Variants in TPM2 observed in about 807,000 individuals in gnomAD.
TPM2 encodes tropomyosin 2.
TPM2 carries 26 observed loss-of-function variants against 41.0 expected under a neutral mutation model. That is an observed-to-expected ratio of 0.63 (90% CI 0.46 to 0.88). The LOEUF (loss-of-function observed/expected upper bound fraction) is 0.88. TPM2 is among the 40% of genes least tolerant of loss of function. The pLI, the probability that TPM2 is intolerant of heterozygous loss-of-function variation, is 0.00. For missense variants in TPM2, 187 were observed against 355.2 expected (o/e 0.53, Z 3.81); for synonymous variants, 143 against 139.3 (o/e 1.03, Z -0.19).
Position 35,685,133 on chromosome 9 carries a change from G to A in TPM2, c.563+136C>T, listed in dbSNP as rs1071717. The A allele has an allele frequency of 2.3e-5, 37 of 1,614,034 alleles. No individual in the cohort carries two copies. The highest frequency in any genetic ancestry group is 3.0e-5 in the Non-Finnish European group (35 of 1,180,024). The stretch of plus-strand genomic sequence containing the variant: ...TTCGAAGTTCCTCCTCCAGCTGTCT[G>A]GCTCGGCTGGGGGCAGCGGGCAGGG... On this transcript the variant is annotated intron_variant, in intron 5 of 8. Transcript: ENST00000645482. The surrounding 1 kb of genome is among the most constrained non-coding windows in gnomAD (Gnocchi z 5.0).
chr9:35,685,558 G>T lies in TPM2; in HGVS notation c.375-7C>A. 6.2e-7 allele frequency: 1 copy of T among 1,614,156 alleles called. No individual in the cohort carries two copies. Among genetic ancestry groups the T allele is most frequent in the Non-Finnish European group, 8.5e-7 (1 of 1,180,032 alleles). On this transcript the variant is annotated splice_polypyrimidine_tract_variant and splice_region_variant and intron_variant, in intron 3 of 8. Transcript: ENST00000645482. The surrounding 1 kb of genome is among the most constrained non-coding windows in gnomAD (Gnocchi z 5.0). ...TTCGATGACCTTCATTCCTCTGAAA[G>T]GCAGGGAGAGGGTGAGCGTAGGGTC... is the stretch of plus-strand genomic sequence containing the variant.
chr9:35,682,706 G>C (rs748700204), downstream of TPM2: 2 of 1,313,804 alleles, frequency 1.5e-6, no homozygotes, highest in East Asian at 5.4e-5. Flanking sequence ...CACCAGAGGC[G>C]GTCATGGTTT....
At chr9:35,688,350 C>T (rs540899080) in intron 2 of TPM2, among the ~76,000 whole-genome samples, 1 of 152,154 alleles carries the variant, frequency 6.6e-6, no homozygotes, top group African/African-American at 2.4e-5. Context: ...TTAAAACAAT[C>T]CTGGGTGGAA....
chr9:35,684,372 A>T, intron 7 of TPM2, 57 bp from the exon 8 acceptor site: 1 of 1,610,550 alleles, frequency 6.2e-7, no homozygotes, highest in Non-Finnish European at 8.5e-7. Flanking sequence ...CCCACAGACT[A>T]CTGCCTAAGT....
Position 35,689,737 on chromosome 9 carries a change from G to A in TPM2, c.81C>T (p.Ala27=), listed in dbSNP as rs564977715. The A allele has an allele frequency of 5.6e-6, 9 of 1,613,742 alleles. No homozygotes were observed. The highest frequency in any genetic ancestry group is 4.0e-5 in the African/African-American group (3 of 75,026). ...NAIDRAEQAE[A]DKKQAEDRCK... Reference sequence around the variant, plus strand: ...AGCGGTCCTCAGCTTGCTTCTTGTCGGCTTCGGCCTGCTCGGCGCGGTCGA... The same window carrying A: ...AGCGGTCCTCAGCTTGCTTCTTGTCAGCTTCGGCCTGCTCGGCGCGGTCGA... Residue 27 remains alanine, a synonymous_variant, in exon 1 of 9, where the codon GCC becomes GCT. Transcript: ENST00000645482.
In TPM2 at chr9:35,685,143, G is replaced by C. The variant is rs1256316058; in HGVS notation, c.563+126C>G. 1 of 1,614,194 alleles carries C rather than the reference G, an allele frequency of 6.2e-7. No homozygotes were observed. The highest frequency in any genetic ancestry group is 1.7e-5 in the Admixed American group (1 of 60,024). ...CTCCTCCAGCTGTCTGGCTCGGCTG[G>C]GGGCAGCGGGCAGGGGTCAGAGAAC... is the stretch of plus-strand genomic sequence containing the variant. On this transcript the variant is annotated intron_variant, in intron 5 of 8. Transcript: ENST00000645482. This position sits in a 1 kb window ranked among gnomAD's most constrained non-coding sequence, Gnocchi z 5.0.
At position 35,689,067 on chromosome 9, in the gene TPM2, C is replaced by T; in HGVS notation, c.240+79G>A. On this transcript the variant is annotated intron_variant, in intron 2 of 8. Transcript: ENST00000645482. Reference sequence around the variant, plus strand: ...GGGGACATAAGGGGATAAGGTGCCCCAATCCTCTTATTCCCATACCCGGGG... The same window carrying T: ...GGGGACATAAGGGGATAAGGTGCCCTAATCCTCTTATTCCCATACCCGGGG... 9.1e-6 allele frequency: 14 copies of T among 1,532,042 alleles called. No homozygotes were observed. The South Asian group carries it at 1.6e-4, about 17-fold the overall frequency. 94.9% of individuals were successfully genotyped at this position (1,532,042 alleles called of 1,614,324 possible).
chr9:35,687,236 C>T (rs774831029), intron 2 of TPM2, among the ~76,000 whole-genome samples: 18 of 152,006 alleles, frequency 1.2e-4, no homozygotes, highest in Non-Finnish European at 2.2e-4. Flanking sequence ...ATGTGTAGGG[C>T]GGGGGCTTGG....
In TPM2 at chr9:35,685,169, A is replaced by G; in HGVS notation, c.563+100T>C. On this transcript the variant is annotated intron_variant, in intron 5 of 8. Coordinates refer to ENST00000645482, the MANE Select transcript of TPM2 (RefSeq NM_003289.4). This position sits in a 1 kb window ranked among gnomAD's most constrained non-coding sequence, Gnocchi z 5.0. ...GGGCAGCGGGCAGGGGTCAGAGAAC[A>G]GGGCCTGTCCCTACAGCCCCAAGCC... The G allele has an allele frequency of 6.2e-7, 1 of 1,614,060 alleles. No individual in the cohort carries two copies. Among genetic ancestry groups the G allele is most frequent in the Non-Finnish European group, 8.5e-7 (1 of 1,179,988 alleles).
downstream of TPM2, chr9:35,682,528 T>G (rs577763681): frequency 8.0e-6 from 10 of 1,254,386 alleles, no homozygotes; most frequent in South Asian, 1.5e-4. Flanking sequence ...ACAGACCTGC[T>G]GCTGCAGTGA....
intron 5 of TPM2, 130 bp from the exon 6 acceptor site, chr9:35,684,937 G>A: frequency 6.2e-7 from 1 of 1,610,602 alleles, no homozygotes; most frequent in South Asian, 1.1e-5. Flanking sequence ...CAGCAGGCAG[G>A]GCTCAGAAGC....
rs371570515 is a variant in TPM2, at chr9:35,689,862, A to G, written c.-45T>C. The G allele has an allele frequency of 6.2e-7, 1 of 1,611,658 alleles. No individual in the cohort carries two copies. Among genetic ancestry groups the G allele is most frequent in the African/African-American group, 1.3e-5 (1 of 74,788 alleles). On this transcript the variant is annotated 5_prime_UTR_variant, in exon 1 of 9. Transcript: ENST00000645482. ...CCGGCCGGCAGGCGGTGAGGACCGG[A>G]CGGACTGGGCTGGGTGAGCGGACTG...
intron 1 of TPM2, 98 bp from the exon 2 acceptor site, chr9:35,689,369 A>G (rs1472444475): frequency 6.4e-7 from 1 of 1,564,530 alleles, no homozygotes; most frequent in Non-Finnish European, 8.6e-7. Context: ...TTTGGAGGCT[A>G]CTGGGATGGA....
upstream of TPM2, chr9:35,689,946 G>A (rs911202352): frequency 3.2e-6 from 5 of 1,575,806 alleles, no homozygotes; most frequent in South Asian, 2.3e-5. Context: ...GGCCACGCGG[G>A]CGCCTAAAAG....
In TPM2 at chr9:35,689,517, T is replaced by G. The variant is rs1454888433; in HGVS notation, c.114+187A>C. 5.3e-5 allele frequency among the ~76,000 whole-genome samples: 8 copies of G among 152,208 alleles called. No homozygotes were observed. The East Asian group carries it at 1.3e-3, about 26-fold the overall frequency. On this transcript the variant is annotated intron_variant, in intron 1 of 8. Transcript: ENST00000645482. ...AGAGTGGAAACCAGGGGCCTGGGGC[T>G]TCCCCAGGCTATTGTAGGGGAGAGA...
Position 35,685,268 on chromosome 9 carries a change from C to T in TPM2, c.563+1G>A. On this transcript the variant is annotated splice_donor_variant, in intron 5 of 8. Transcript: ENST00000645482. LOFTEE classifies it high-confidence loss of function. This position sits in a 1 kb window ranked among gnomAD's most constrained non-coding sequence, Gnocchi z 5.0. ...CACTTGTCACCCCCGGGTATCTTTA[C>T]CTCTCGGCCACCTCAGCCCTCTCCT... 1.2e-6 allele frequency: 2 copies of T among 1,614,226 alleles called. No homozygotes were observed. The highest frequency in any genetic ancestry group is 1.7e-6 in the Non-Finnish European group (2 of 1,180,026).
At chr9:35,688,634 C>T (rs1825074231) in intron 2 of TPM2, among the ~76,000 whole-genome samples, 1 of 152,160 alleles carries the variant, frequency 6.6e-6, no homozygotes, top group Non-Finnish European at 1.5e-5. Context: ...TGAGCTGGGG[C>T]CCCAGGGCAC....
intron 2 of TPM2, chr9:35,686,514 T>A (rs1824918964): frequency 6.7e-6 from 1 of 150,350 alleles, no homozygotes; most frequent in Admixed American, 6.6e-5. Flanking sequence ...CGTCACAGAA[T>A]CAAGCTCAGT....
In TPM2 at chr9:35,685,236, A is replaced by G; in HGVS notation, c.563+33T>C. 1 of 1,614,164 alleles carries G rather than the reference A, an allele frequency of 6.2e-7. No homozygotes were observed. The highest frequency in any genetic ancestry group is 8.5e-7 in the Non-Finnish European group (1 of 1,180,026). The stretch of plus-strand genomic sequence containing the variant: ...CACTGTGTGGAAGGCCCCAGGGCCA[A>G]TGGGCTCACTTGTCACCCCCGGGTA... On this transcript the variant is annotated intron_variant, in intron 5 of 8. Transcript: ENST00000645482. The surrounding 1 kb of genome is among the most constrained non-coding windows in gnomAD (Gnocchi z 5.0).
Sources: gnomAD v4.1 joint callset for allele counts (sites outside exome capture counted in the v4.1 genomes callset) on GRCh38, gnomAD v4.1.1 for gene constraint, Gnocchi (gnomAD v3.1) non-coding constraint, MANE v1.5 for transcripts, NCBI Gene and HGNC (gene_info 2026-07-23, HGNC 2026-07-21) for gene names.